DPYSL2: variants seen among roughly 807,000 people sequenced by gnomAD.
DPYSL2 encodes dihydropyrimidinase-related protein 2.
A neutral mutation model predicts 69.9 loss-of-function variants in DPYSL2; 13 were observed. That is an observed-to-expected ratio of 0.19 (90% confidence interval 0.12 to 0.30). The LOEUF (loss-of-function observed/expected upper bound fraction) is 0.30. Ranked by LOEUF, DPYSL2 falls within the 10% of genes least tolerant of loss-of-function variation. The pLI is 1.00. For synonymous variants in DPYSL2, 326 were observed against 359.1 expected (o/e 0.91, Z 1.04); for missense variants, 587 against 918.9 (o/e 0.64, Z 4.67).
At chr8:26,577,194 A>T in intron 1 of DPYSL2, 1 of 440,824 alleles carries the variant, frequency 2.3e-6, no homozygotes, top group Non-Finnish European at 4.5e-6. Context: ...CGCGGGCCAG[A>T]TCCCGTCTCT....
Position 26,643,341 on chromosome 8 carries a change from T to A in DPYSL2, c.1127-98T>A. 7.7e-7 allele frequency: 1 copy of A among 1,299,496 alleles called. No individual in the cohort carries two copies. The highest frequency in any genetic ancestry group is 1.1e-6 in the Non-Finnish European group (1 of 944,790). The allele number at this position is 1,299,496 out of a possible 1,614,324, so 80.5% of individuals were successfully genotyped here. ...ATATTTCCTATAAAGGGATAGTGAGTGCACTGGGTGCTGCTGGGCAGGCAG... is the reference window on the plus strand; with the variant it reads ...ATATTTCCTATAAAGGGATAGTGAGAGCACTGGGTGCTGCTGGGCAGGCAG... On this transcript the variant is annotated intron_variant, in intron 8 of 13. Coordinates refer to ENST00000521913, the MANE Select transcript of DPYSL2 (RefSeq NM_001197293.3). This position sits in a 1 kb window ranked among gnomAD's most constrained non-coding sequence, Gnocchi z 6.5.
At position 26,533,053 on chromosome 8, in the gene DPYSL2, C is replaced by G. The variant is rs1457731693; in HGVS notation, c.354+18374C>G. 6.6e-6 allele frequency among the ~76,000 whole-genome samples: 1 copy of G among 152,156 alleles called. No individual in the cohort carries two copies. The highest frequency in any genetic ancestry group is 1.5e-5 in the Non-Finnish European group (1 of 68,024). On this transcript the variant is annotated intron_variant, in intron 1 of 13. Transcript: ENST00000521913. This position sits in a 1 kb window ranked among gnomAD's most constrained non-coding sequence, Gnocchi z 4.8. The stretch of plus-strand genomic sequence containing the variant: ...CTTGTCTACACTTGTTATTGTCTGT[C>G]TTTTTGATTCCAGCCATCCTACTGG...
chr8:26,527,741 T>TA (rs916531060), intron 1 of DPYSL2, among the ~76,000 whole-genome samples: 10 of 150,858 alleles, frequency 6.6e-5, no homozygotes, highest in East Asian at 1.9e-4. Flanking sequence ...ATCCCAGAAT[T>TA]AAAAAAATAT....
chr8:26,578,175 C>A (rs1801403391), intron 1 of DPYSL2: 1 of 1,605,156 alleles, frequency 6.2e-7, no homozygotes, highest in East Asian at 2.2e-5. Flanking sequence ...CAAAACAAAA[C>A]AAAAAAAACC....
chr8:26,614,970 C>G lies in DPYSL2; in HGVS notation c.629-9173C>G, dbSNP rs1802312749. ...CTCTTTTGATCACACGTTCTGGGGT[C>G]AGATTCCAGCTCTGCCAGTCAGTGG... On this transcript the variant is annotated intron_variant, in intron 3 of 13. Coordinates refer to ENST00000521913, the MANE Select transcript of DPYSL2 (RefSeq NM_001197293.3). This position sits in a 1 kb window ranked among gnomAD's most constrained non-coding sequence, Gnocchi z 4.9. 6.6e-6 allele frequency among the ~76,000 whole-genome samples: 1 copy of G among 152,232 alleles called. No individual in the cohort carries two copies. Among genetic ancestry groups the G allele is most frequent in the South Asian group, 2.1e-4 (1 of 4,834 alleles).
chr8:26,584,149 C>T (rs968373430), intron 3 of DPYSL2, among the ~76,000 whole-genome samples, 166 bp downstream of exon 3: 2 of 152,136 alleles, frequency 1.3e-5, no homozygotes, highest in Non-Finnish European at 2.9e-5. Flanking sequence ...TTTATTTATG[C>T]TCATTTTCTG....
Position 26,626,773 on chromosome 8 carries a change from C to A in DPYSL2, c.855+95C>A, listed in dbSNP as rs558786781. On this transcript the variant is annotated intron_variant, in intron 5 of 13. Coordinates refer to ENST00000521913, the MANE Select transcript of DPYSL2 (RefSeq NM_001197293.3). The surrounding 1 kb of genome is among the most constrained non-coding windows in gnomAD (Gnocchi z 4.3). ...AGCAGTCTCCGATGTATGCATGTTT[C>A]CTAGCTTCCTGGGAAGTGGCTGGTG... The A allele has an allele frequency of 2.0e-5, 26 of 1,310,426 alleles. No individual in the cohort carries two copies. In the African/African-American group the frequency reaches 3.5e-4, roughly 18 times the overall value. 81.2% of individuals were successfully genotyped at this position (1,310,426 alleles called of 1,614,324 possible).
At chr8:26,655,364 C>T (rs2130005560) in intron 13 of DPYSL2, among the ~76,000 whole-genome samples, 1 of 152,184 alleles carries the variant, frequency 6.6e-6, no homozygotes, top group African/African-American at 2.4e-5. Flanking sequence ...GGTATGGGGG[C>T]CTGTGGCTGT....
chr8:26,603,133 C>T (rs1044139087), intron 3 of DPYSL2, among the ~76,000 whole-genome samples: 21 of 152,062 alleles, frequency 1.4e-4, no homozygotes, highest in African/African-American at 3.9e-4. Flanking sequence ...TTTCATTTCT[C>T]GGAGCCACAG....
Position 26,586,294 on chromosome 8 carries a change from C to A in DPYSL2, c.628+2311C>A, listed in dbSNP as rs576681738. Among the ~76,000 whole-genome samples, 1 of 152,156 alleles carries A rather than the reference C, an allele frequency of 6.6e-6. No homozygotes were observed. Among genetic ancestry groups the A allele is most frequent in the Non-Finnish European group, 1.5e-5 (1 of 68,046 alleles). On this transcript the variant is annotated intron_variant, in intron 3 of 13. Coordinates refer to ENST00000521913, the MANE Select transcript of DPYSL2 (RefSeq NM_001197293.3). This position sits in a 1 kb window ranked among gnomAD's most constrained non-coding sequence, Gnocchi z 4.7. ...TGTCTCCAGTGAGGGATTTGTGCTA[C>A]ATGACCCTGGAAGTCCTTTCCAGCC...
intron 1 of DPYSL2, among the ~76,000 whole-genome samples, chr8:26,572,358 C>G (rs968355759): frequency 6.6e-6 from 1 of 152,220 alleles, no homozygotes; most frequent in African/African-American, 2.4e-5. Flanking sequence ...ATCTCCCCAG[C>G]CCCACTTCCC....
chr8:26,644,074 A>G lies in DPYSL2; in HGVS notation c.1408A>G (p.Ile470Val), dbSNP rs1563424654. The change falls in exon 10 of 14, where the codon ATC (isoleucine) becomes GTC (valine). Residue 470 changes from isoleucine to valine, a missense_variant. This residue lies in a region of DPYSL2 where 452 missense variants were observed against 754.3 expected (regional missense o/e 0.60). Coordinates refer to ENST00000521913, the MANE Select transcript of DPYSL2 (RefSeq NM_001197293.3). The surrounding 1 kb of genome is among the most constrained non-coding windows in gnomAD (Gnocchi z 4.5). ...TNGTEERMSV[I>V]WDKAVVTGKM... ...TGGCACTGAGGAGCGGATGTCCGTC[A>G]TCTGGGACAAGGCTGTGGTAAGGAG... is the stretch of plus-strand genomic sequence containing the variant. The G allele has an allele frequency of 1.9e-6, 3 of 1,614,190 alleles. 1 individual carries two copies. Among genetic ancestry groups the G allele is most frequent in the East Asian group, 4.5e-5 (2 of 44,880 alleles).
intron 1 of DPYSL2, among the ~76,000 whole-genome samples, chr8:26,543,785 C>T (rs1459810199): frequency 6.6e-6 from 1 of 152,224 alleles, no homozygotes; most frequent in African/African-American, 2.4e-5. Flanking sequence ...CCGCGCCTGG[C>T]CACTAGCTCT....
intron 1 of DPYSL2, chr8:26,578,484 T>A (rs1014120847): frequency 1.9e-5 from 28 of 1,447,874 alleles, no homozygotes; most frequent in Admixed American, 2.8e-5. Flanking sequence ...AGAAGTCGCA[T>A]CGTTTGCAAG....
At chr8:26,552,580 A>C (rs996200314) in intron 1 of DPYSL2, among the ~76,000 whole-genome samples, 1 of 152,194 alleles carries the variant, frequency 6.6e-6, no homozygotes, top group African/African-American at 2.4e-5. Flanking sequence ...TGGGAAGTCC[A>C]AAGTCCATGT....
intron 1 of DPYSL2, chr8:26,577,263 C>A (rs769966674): frequency 5.3e-6 from 2 of 377,266 alleles, no homozygotes; most frequent in South Asian, 3.6e-5. Context: ...CCGGACGCTC[C>A]CGGGAAGCAG....
intron 3 of DPYSL2, among the ~76,000 whole-genome samples, chr8:26,584,983 A>G (rs963164630): frequency 2.0e-5 from 3 of 152,102 alleles, no homozygotes; most frequent in African/African-American, 4.8e-5. Flanking sequence ...AGCACACATA[A>G]TATTAAGAGT....
chr8:26,576,047 A>G (rs6998628), intron 1 of DPYSL2, among the ~76,000 whole-genome samples: 66,833 of 152,136 alleles, frequency 0.44, 17,261 homozygotes, highest in East Asian at 0.72. Context: ...TGCTTGCGGC[A>G]TATCAGATTG....
chr8:26,619,199 G>A lies in DPYSL2; in HGVS notation c.629-4944G>A. Among the ~76,000 whole-genome samples the A allele has an allele frequency of 6.6e-6, 1 of 152,272 alleles. No individual in the cohort carries two copies. Among genetic ancestry groups the A allele is most frequent in the Middle Eastern group, 3.4e-3 (1 of 294 alleles). On this transcript the variant is annotated intron_variant, in intron 3 of 13. Coordinates refer to ENST00000521913, the MANE Select transcript of DPYSL2 (RefSeq NM_001197293.3). This position sits in a 1 kb window ranked among gnomAD's most constrained non-coding sequence, Gnocchi z 4.8. The stretch of plus-strand genomic sequence containing the variant: ...AGTCATTTTCAGGCTTGTGTCCTCA[G>A]TGGGGACTCTACTCCCTCCGGAAGT...
Sources: allele counts gnomAD v4.1 joint callset (sites outside exome capture counted in the v4.1 genomes callset), GRCh38; gene constraint gnomAD v4.1.1; regional missense constraint gnomAD v4.1.1; non-coding constraint Gnocchi (gnomAD v3.1); transcripts MANE v1.5; gene names NCBI Gene and HGNC (gene_info 2026-07-23, HGNC 2026-07-21).